The following NDST1 variants were observed in gnomAD, a reference collection of about 807,000 sequenced individuals.
NDST1 encodes bifunctional heparan sulfate N-deacetylase/N-sulfotransferase 1.
Under a neutral mutation model 92.8 loss-of-function variants are expected in NDST1, and 35 were observed. That is an observed-to-expected ratio of 0.38 (90% CI 0.29 to 0.50). The LOEUF (loss-of-function observed/expected upper bound fraction) is 0.50, where lower values mean the gene tolerates loss of function less well. Among genes scored for constraint, NDST1 ranks in the 20% least tolerant of loss-of-function variants. The pLI, the probability that NDST1 is intolerant of heterozygous loss-of-function variation, is 0.94. For synonymous variants in NDST1, 493 were observed against 500.3 expected, an observed-to-expected ratio of 0.99 and a Z score of 0.19; for missense variants, 822 against 1,182.7, an observed-to-expected ratio of 0.69 and a Z score of 4.47.
chr5:150,552,159 C>T (rs1755751973), intron 14 of NDST1, among the ~76,000 whole-genome samples: 1 of 152,142 alleles, frequency 6.6e-6, no homozygotes, highest in African/African-American at 2.4e-5. Context: ...GTCCCAACAC[C>T]ACTAAGTAGA....
rs531857679 is a variant in NDST1 at position 150,530,789 on chromosome 5, G to A, written c.1009-2156G>A. Among the ~76,000 whole-genome samples the A allele has an allele frequency of 2.0e-5, 3 of 152,164 alleles. No homozygotes were observed. In the East Asian group the frequency reaches 5.8e-4, roughly 29 times the overall value. On this transcript the variant is annotated intron_variant, in intron 3 of 14. Coordinates refer to ENST00000261797, the MANE Select transcript of NDST1 (RefSeq NM_001543.5). ...TGCCCAGGCCGATCTGGAACTCCTG[G>A]AGTCAAGTGCTGCACCCACCTTGGC... is the stretch of plus-strand genomic sequence containing the variant.
chr5:150,523,749 C>T (rs945549396), intron 2 of NDST1, among the ~76,000 whole-genome samples: 2 of 152,228 alleles, frequency 1.3e-5, no homozygotes, highest in African/African-American at 4.8e-5. Flanking sequence ...AGCTTGGGCG[C>T]TGTCTGGCCC....
chr5:150,532,552 C>G (rs1033817564), intron 3 of NDST1, among the ~76,000 whole-genome samples: 1 of 152,082 alleles, frequency 6.6e-6, no homozygotes, highest in Non-Finnish European at 1.5e-5. Flanking sequence ...GAATCTCGCT[C>G]TGTCACCCAG....
rs1755819637 is a variant in NDST1 at position 150,554,066 on chromosome 5, G to A, written c.*734G>A. 1 of 403,754 alleles carries A rather than the reference G, an allele frequency of 2.5e-6. No individual in the cohort carries two copies. The highest frequency in any genetic ancestry group is 4.4e-6 in the Non-Finnish European group (1 of 228,802). The allele number at this position is 403,754 out of a possible 1,614,324, so 25.0% of individuals were successfully genotyped here. On this transcript the variant is annotated 3_prime_UTR_variant, in exon 15 of 15. Transcript: ENST00000261797. ...TGGGATATGATGTGTGGTGTTTCCTGTGGTAAAAGACTGAGGCAGGCCAGG... is the reference window on the plus strand; with the variant it reads ...TGGGATATGATGTGTGGTGTTTCCTATGGTAAAAGACTGAGGCAGGCCAGG...
intron 5 of NDST1, chr5:150,535,237 G>T: frequency 1.1e-6 from 1 of 910,236 alleles, no homozygotes; most frequent in Non-Finnish European, 1.3e-6. Context: ...GCTCAGGGAG[G>T]TCACACCAGC....
intron 3 of NDST1, among the ~76,000 whole-genome samples, chr5:150,529,597 A>C (rs1754631289): frequency 6.6e-6 from 1 of 152,200 alleles, no homozygotes; most frequent in Admixed American, 6.5e-5. Flanking sequence ...CCTAGTGTAA[A>C]TAGGAAATCC....
At chr5:150,537,147 A>C (rs568567127) in intron 6 of NDST1, among the ~76,000 whole-genome samples, 1 of 152,242 alleles carries the variant, frequency 6.6e-6, no homozygotes, top group African/African-American at 2.4e-5. Flanking sequence ...CGTCATCTTC[A>C]TAAGCTGAGG....
chr5:150,549,237 C>G (rs942099114), intron 12 of NDST1, among the ~76,000 whole-genome samples: 1 of 152,180 alleles, frequency 6.6e-6, no homozygotes, highest in South Asian at 2.1e-4. Flanking sequence ...GTCTTGAACT[C>G]CTGACCTCAA....
Position 150,553,704 on chromosome 5 carries a change from T to G in NDST1, c.*372T>G. ...TGCTTCCGCAGGGCGCCCCTCAGTA[T>G]TCGCTGCCATATGTCCCTGTCCTCC... On this transcript the variant is annotated 3_prime_UTR_variant, in exon 15 of 15. Coordinates refer to ENST00000261797, the MANE Select transcript of NDST1 (RefSeq NM_001543.5). This position sits in a 1 kb window ranked among gnomAD's most constrained non-coding sequence, Gnocchi z 4.2. The G allele has an allele frequency of 4.9e-6, 2 of 410,616 alleles. No homozygotes were observed. Among genetic ancestry groups the G allele is most frequent in the Non-Finnish European group, 4.6e-6 (1 of 216,024 alleles). 25.4% of individuals were successfully genotyped at this position (410,616 alleles called of 1,614,324 possible). A position where few individuals can be genotyped will look rare whatever the true frequency, so the allele number is the denominator to read the frequency against.
chr5:150,549,552 G>C, intron 12 of NDST1, 126 bp from the exon 13 acceptor site: 1 of 704,578 alleles, frequency 1.4e-6, no homozygotes, highest in Non-Finnish European at 2.6e-6. Context: ...AACAGGGGAG[G>C]AGGAGCCAGT....
At chr5:150,502,025 G>A (rs959201565) in intron 1 of NDST1, among the ~76,000 whole-genome samples, 2 of 152,210 alleles carry the variant, frequency 1.3e-5, no homozygotes, top group African/African-American at 4.8e-5. Flanking sequence ...AAGAATGAGA[G>A]GATGGTGGAG....
intron 1 of NDST1, among the ~76,000 whole-genome samples, chr5:150,499,501 A>G (rs1057075987): frequency 6.6e-6 from 1 of 152,198 alleles, no homozygotes; most frequent in Admixed American, 6.5e-5. Context: ...TGTGGGCTGA[A>G]TCACCTTTGT....
chr5:150,546,189 G>A (rs1042290111), intron 11 of NDST1, among the ~76,000 whole-genome samples: 1 of 151,944 alleles, frequency 6.6e-6, no homozygotes, highest in South Asian at 2.1e-4. Flanking sequence ...GTAGAGACAG[G>A]GTTTCACCAT....
chr5:150,544,016 G>C (rs2151298083), intron 10 of NDST1, among the ~76,000 whole-genome samples: 1 of 152,316 alleles, frequency 6.6e-6, no homozygotes, highest in African/African-American at 2.4e-5. Context: ...CTGACCTCGT[G>C]ATCTGCCCGC....
At chr5:150,548,054 C>T (rs572533543) in intron 11 of NDST1, among the ~76,000 whole-genome samples, 164 bp from the exon 12 acceptor site, 1 of 152,268 alleles carries the variant, frequency 6.6e-6, no homozygotes, top group Admixed American at 6.5e-5. Context: ...GGACCAGTGG[C>T]TTCCCTTGAC....
chr5:150,535,190 C>T lies in NDST1; in HGVS notation c.1251+169C>T, dbSNP rs1240318327. On this transcript the variant is annotated intron_variant, in intron 5 of 14. Coordinates refer to ENST00000261797, the MANE Select transcript of NDST1 (RefSeq NM_001543.5). ...TTTATAGCCACTGTCTCCTTGAAGC[C>T]CCAAGAGAATAACCCCTTTACAGAC... 9 of 802,556 alleles carry T rather than the reference C, an allele frequency of 1.1e-5. No individual in the cohort carries two copies. In the Admixed American group the frequency reaches 4.4e-4, roughly 39 times the overall value. 49.7% of individuals were successfully genotyped at this position (802,556 alleles called of 1,614,324 possible). A position where few individuals can be genotyped will look rare whatever the true frequency, so the allele number is the denominator to read the frequency against.
intron 4 of NDST1, 125 bp from the exon 5 acceptor site, chr5:150,534,742 C>G: frequency 8.7e-7 from 1 of 1,148,736 alleles, no homozygotes; most frequent in Non-Finnish European, 1.3e-6. Flanking sequence ...GTGCTGTAGC[C>G]CAGATAACTC....
chr5:150,508,710 T>C (rs1753579290), intron 1 of NDST1, among the ~76,000 whole-genome samples: 2 of 152,182 alleles, frequency 1.3e-5, no homozygotes, highest in African/African-American at 4.8e-5. Flanking sequence ...CCATGGCTTG[T>C]CAAAGCCAGA....
intron 11 of NDST1, among the ~76,000 whole-genome samples, chr5:150,546,818 G>A (rs1182747846): frequency 1.3e-5 from 2 of 152,242 alleles, no homozygotes; most frequent in African/African-American, 4.8e-5. Context: ...TCTTACTCTT[G>A]TTCTCTAGGG....
Sources: gnomAD v4.1 joint callset for allele counts (sites outside exome capture counted in the v4.1 genomes callset) on GRCh38, gnomAD v4.1.1 for gene constraint, Gnocchi (gnomAD v3.1) non-coding constraint, MANE v1.5 for transcripts, NCBI Gene and HGNC (gene_info 2026-07-23, HGNC 2026-07-21) for gene names.